Variants in APBA3 observed in about 807,000 individuals in gnomAD.
APBA3 encodes the protein amyloid-beta A4 precursor protein-binding family A member 3.
In APBA3, 45 loss-of-function variants were observed where a neutral mutation model predicts 55.9. That is an observed-to-expected ratio of 0.80 (90% CI 0.63 to 1.03). APBA3 has a LOEUF of 1.03. APBA3 is among the 50% of genes least tolerant of loss of function. The pLI is 0.00. For missense variants in APBA3, 865 were observed against 820.3 expected, an observed-to-expected ratio of 1.05 and a Z score of -0.67; for synonymous variants, 370 against 353.3, an observed-to-expected ratio of 1.05 and a Z score of -0.53.
chr19:3,754,450 C>G lies in APBA3; in HGVS notation c.617-110G>C, dbSNP rs570575803. ...GGAGACACAGTGTTCTAGCTGGTGGCTTAGCACTCTCCAGCCAGGAAGCAC... is the reference window on the plus strand; with the variant it reads ...GGAGACACAGTGTTCTAGCTGGTGGGTTAGCACTCTCCAGCCAGGAAGCAC... On this transcript the variant is annotated intron_variant, in intron 3 of 10. Transcript: ENST00000316757. 12 of 1,405,452 alleles carry G rather than the reference C, an allele frequency of 8.5e-6. No individual in the cohort carries two copies. The East Asian group carries it at 2.5e-4, about 30-fold the overall frequency. The allele number at this position is 1,405,452 out of a possible 1,614,324, so 87.1% of individuals were successfully genotyped here. A position where few individuals can be genotyped will look rare whatever the true frequency, so the allele number is the denominator to read the frequency against.
chr19:3,753,933 C>A lies in APBA3; in HGVS notation c.850-7G>T, dbSNP rs201224433. On this transcript the variant is annotated splice_region_variant and splice_polypyrimidine_tract_variant and intron_variant, in intron 5 of 10. Transcript: ENST00000316757. ...CGTGGTCCATCATGGCCTCCTGGGG[C>A]GGGAGAGGCAGCCTGGGTGGGTTGG... The A allele has an allele frequency of 1.9e-6, 3 of 1,554,426 alleles. No individual in the cohort carries two copies. In the Admixed American group the frequency reaches 5.8e-5, roughly 30 times the overall value.
Position 3,750,945 on chromosome 19 carries a change from C to T in APBA3, c.*81G>A. On this transcript the variant is annotated 3_prime_UTR_variant, in exon 11 of 11. Transcript: ENST00000316757. ...ATACAGGACCAAGAACCGCTGGGGTCCTGGCCAGCCAGGGCAGGCCCAGGA... is the reference window on the plus strand; with the variant it reads ...ATACAGGACCAAGAACCGCTGGGGTTCTGGCCAGCCAGGGCAGGCCCAGGA... 1.4e-6 allele frequency: 2 copies of T among 1,449,382 alleles called. No homozygotes were observed. Among genetic ancestry groups the T allele is most frequent in the Non-Finnish European group, 1.9e-6 (2 of 1,054,384 alleles). The allele number at this position is 1,449,382 out of a possible 1,614,324, so 89.8% of individuals were successfully genotyped here.
Position 3,752,847 on chromosome 19 carries a change from G to A in APBA3, c.1155C>T (p.His385=). ...ACHLHNGDLD[H]FSNSDNCREV... ...CCCGGCAGTTGTCACTGTTGGAGAAGTGGTCCAGGTCCCCATTATGGAGGT... is the reference window on the plus strand; with the variant it reads ...CCCGGCAGTTGTCACTGTTGGAGAAATGGTCCAGGTCCCCATTATGGAGGT... Residue 385 remains histidine (H), a synonymous_variant, in exon 7 of 11, where the codon CAC becomes CAT. Coordinates refer to ENST00000316757, the MANE Select transcript of APBA3 (RefSeq NM_004886.4). 1 of 1,613,356 alleles carries A rather than the reference G, an allele frequency of 6.2e-7. No individual in the cohort carries two copies. The highest frequency in any genetic ancestry group is 8.5e-7 in the Non-Finnish European group (1 of 1,179,876).
At position 3,759,688 on chromosome 19, in the gene APBA3, C is replaced by T. The variant is rs768118948; in HGVS notation, c.576+1G>A. On this transcript the variant is annotated splice_donor_variant, in intron 2 of 10. Transcript: ENST00000316757. LOFTEE classifies it high-confidence loss of function. ...TGCCTGGAGGGCGGGGCGGGCACTA[C>T]CTGGGCACCAGCGGGTGGCTCTTCA... 1 of 1,611,818 alleles carries T rather than the reference C, an allele frequency of 6.2e-7. No homozygotes were observed. Among genetic ancestry groups the T allele is most frequent in the Non-Finnish European group, 8.5e-7 (1 of 1,179,546 alleles).
chr19:3,755,522 G>A (rs953993524), intron 3 of APBA3: 10 of 146,640 alleles, frequency 6.8e-5, no homozygotes, highest in Admixed American at 4.9e-4. Context: ...GGCTGGGTGC[G>A]GTGGCTCACG....
intron 3 of APBA3, among the ~76,000 whole-genome samples, chr19:3,757,049 G>A (rs542305033): frequency 2.6e-5 from 4 of 152,088 alleles, no homozygotes; most frequent in South Asian, 2.1e-4. Context: ...AGCTCTGCTC[G>A]ATTCTAGAAC....
In APBA3 at chr19:3,752,704, C is replaced by T. The variant is rs546546787; in HGVS notation, c.1199G>A (p.Arg400Gln). The change falls in exon 8 of 11, where the codon CGG (arginine) becomes CAG (glutamine). Residue 400 changes from arginine to glutamine, a missense_variant. Transcript: ENST00000316757. Reference protein sequence around the residue: ...DNCREVHLEKRRGEGLGVALV... With the variant: ...DNCREVHLEKQRGEGLGVALV... ...GGCCACGCCCAGGCCCTCCCCTCGCCGCTTCTCGAGGTGCACCTGGGACAC... is the reference window on the plus strand; with the variant it reads ...GGCCACGCCCAGGCCCTCCCCTCGCTGCTTCTCGAGGTGCACCTGGGACAC... 6.3e-5 allele frequency: 101 copies of T among 1,597,388 alleles called. No homozygotes were observed. The highest frequency in any genetic ancestry group is 4.1e-5 in the Non-Finnish European group (48 of 1,176,046).
chr19:3,756,717 CG>C (rs1180520739), intron 3 of APBA3: 1 of 151,382 alleles, frequency 6.6e-6, no homozygotes, highest in African/African-American at 2.4e-5. Context: ...AGCGAGACTC[CG>C]TCTCAGTTTA....
At chr19:3,751,353 G>A (rs373707571) in intron 9 of APBA3, 24 bp from the exon 10 acceptor site, 2 of 1,520,868 alleles carry the variant, frequency 1.3e-6, no homozygotes, top group Non-Finnish European at 8.8e-7. Flanking sequence ...GAGGGGGACG[G>A]GAAAGAGGTG....
In APBA3 at chr19:3,754,336, A is replaced by G. The variant is rs2145720257; in HGVS notation, c.621T>C (p.Pro207=). The stretch of plus-strand genomic sequence containing the variant: ...GGAGGTCTTCATGGTCACAGGGACC[A>G]GGCACTGAGGGCGACAGCGAAGAGG... The part of the protein sequence containing the change: ...LASYPAPQEV[P]GPCDHEDLLD... The change falls in exon 4 of 11, where the codon CCT becomes CCC. Residue 207 remains proline, a synonymous_variant. Transcript: ENST00000316757. 3 of 1,558,212 alleles carry G rather than the reference A, an allele frequency of 1.9e-6. No homozygotes were observed. Among genetic ancestry groups the G allele is most frequent in the Non-Finnish European group, 2.6e-6 (3 of 1,153,856 alleles).
intron 4 of APBA3, 32 bp from the exon 5 acceptor site, chr19:3,754,137 C>T: frequency 6.4e-7 from 1 of 1,564,244 alleles, no homozygotes; most frequent in Non-Finnish European, 8.7e-7. Flanking sequence ...GTGGAGGCCC[C>T]CACAGACCCA....
intron 3 of APBA3, chr19:3,755,584 G>C (rs1054636781): frequency 2.3e-5 from 3 of 128,120 alleles, no homozygotes; most frequent in Non-Finnish European, 5.0e-5. Flanking sequence ...GATCACCTGA[G>C]GTCAGGAGTT....
At chr19:3,753,474 C>T (rs527783854) in intron 6 of APBA3, 56 of 409,622 alleles carry the variant, frequency 1.4e-4, no homozygotes, top group East Asian at 1.1e-3. Flanking sequence ...AGAGCGAGAC[C>T]GTGTCTCTAT....
chr19:3,752,023 A>AACC (rs1208851209), intron 8 of APBA3: 1 of 195,730 alleles, frequency 5.1e-6, no homozygotes, highest in Admixed American at 5.6e-5. Flanking sequence ...CAGCCTGGCC[A>AACC]ACCAACATAG....
In APBA3 at chr19:3,759,568, G is replaced by T; in HGVS notation, c.609C>A (p.Pro203=). The T allele has an allele frequency of 6.3e-7, 1 of 1,599,774 alleles. No individual in the cohort carries two copies. Among genetic ancestry groups the T allele is most frequent in the Non-Finnish European group, 8.5e-7 (1 of 1,174,702 alleles). The part of the protein sequence containing the change: ...SPETLASYPA[P]QEVPGPCDHE... ...GGTGGGCGGGACACTCACCCTCCTGGGGGGCAGGGTAGGAAGCCAGGGTCT... is the reference window on the plus strand; with the variant it reads ...GGTGGGCGGGACACTCACCCTCCTGTGGGGCAGGGTAGGAAGCCAGGGTCT... The change falls in exon 3 of 11, where the codon CCC becomes CCA. Residue 203 remains proline (P), a synonymous_variant. Transcript: ENST00000316757.
At position 3,751,078 on chromosome 19, in the gene APBA3, G is replaced by A; in HGVS notation, c.1676C>T (p.Pro559Leu). Reference protein sequence around the residue: ...AYGEVHIKTMPAATYRLLTGQ... With the variant: ...AYGEVHIKTMLAATYRLLTGQ... ...TGTAAGGAGGCGATATGTGGCAGCT[G>A]GCATCGTCTTGATATGCACCTGGGG... is the stretch of plus-strand genomic sequence containing the variant. The change falls in exon 11 of 11, where the codon CCA (proline) becomes CTA (leucine). Residue 559 changes from proline to leucine, a missense_variant. Transcript: ENST00000316757. The A allele has an allele frequency of 6.4e-7, 1 of 1,567,610 alleles. No homozygotes were observed. Among genetic ancestry groups the A allele is most frequent in the East Asian group, 2.4e-5 (1 of 42,420 alleles).
At position 3,759,952 on chromosome 19, in the gene APBA3, C is replaced by T. The variant is rs1307360634; in HGVS notation, c.313G>A (p.Ala105Thr). Residue 105 changes from alanine (A) to threonine (T), a missense_variant, in exon 2 of 11, where the codon GCC becomes ACC. Ala to Thr is a moderately conservative substitution (Grantham distance 58). Transcript: ENST00000316757. ...EIADAHGLLSAEAGRDDLLGL... is the reference protein window; with the variant it reads ...EIADAHGLLSTEAGRDDLLGL... The stretch of plus-strand genomic sequence containing the variant: ...AGCAGGTCATCCCGGCCAGCTTCGG[C>T]AGACAGGAGCCCGTGGGCATCAGCA... 1 of 1,609,900 alleles carries T rather than the reference C, an allele frequency of 6.2e-7. No homozygotes were observed. Among genetic ancestry groups the T allele is most frequent in the Admixed American group, 1.7e-5 (1 of 58,798 alleles).
rs745365965 is a variant in APBA3 at position 3,759,568 on chromosome 19, G to C, written c.609C>G (p.Pro203=). The change falls in exon 3 of 11, where the codon CCC becomes CCG. Residue 203 remains proline, a synonymous_variant. Coordinates refer to ENST00000316757, the MANE Select transcript of APBA3 (RefSeq NM_004886.4). ...SPETLASYPA[P]QEVPGPCDHE... ...GGTGGGCGGGACACTCACCCTCCTG[G>C]GGGGCAGGGTAGGAAGCCAGGGTCT... 5 of 1,599,774 alleles carry C rather than the reference G, an allele frequency of 3.1e-6. No homozygotes were observed. The highest frequency in any genetic ancestry group is 1.8e-5 in the Admixed American group (1 of 56,736).
intron 3 of APBA3, among the ~76,000 whole-genome samples, chr19:3,757,504 C>T (rs1280896409): frequency 2.0e-5 from 3 of 152,098 alleles, no homozygotes; most frequent in Admixed American, 6.5e-5. Context: ...GAGGCCGAGG[C>T]GGGTGGATCA....
Sources: allele counts gnomAD v4.1 joint callset (sites outside exome capture counted in the v4.1 genomes callset), GRCh38; gene constraint gnomAD v4.1.1; transcripts MANE v1.5; gene names NCBI Gene and HGNC (gene_info 2026-07-23, HGNC 2026-07-21).